The following VDAC2 variants were observed in gnomAD, a reference collection of about 807,000 sequenced individuals.
VDAC2 encodes the protein voltage dependent anion channel 2.
VDAC2 carries 6 observed loss-of-function variants against 36.6 expected under a neutral mutation model. The observed-to-expected ratio is 0.16, with a 90% CI of 0.09 to 0.32. The LOEUF (loss-of-function observed/expected upper bound fraction) is 0.32, where lower values mean the gene tolerates loss of function less well. VDAC2 is among the 10% of genes least tolerant of loss of function. The pLI is 1.00. For missense variants in VDAC2, 247 were observed against 346.0 expected, an observed-to-expected ratio of 0.71 and a Z score of 2.27; for synonymous variants, 109 against 123.8, an observed-to-expected ratio of 0.88 and a Z score of 0.79.
intron 8 of VDAC2, among the ~76,000 whole-genome samples, chr10:75,223,097 C>T (rs1040619064): frequency 2.0e-5 from 3 of 151,730 alleles, no homozygotes; most frequent in African/African-American, 7.3e-5. Context: ...TCTTCTGCCT[C>T]AGCCTCCTGA....
At chr10:75,225,328 A>G (rs1018377210) in intron 8 of VDAC2, among the ~76,000 whole-genome samples, 24 of 152,218 alleles carry the variant, frequency 1.6e-4, no homozygotes, top group Non-Finnish European at 4.4e-5. Context: ...ATTTTAAAGA[A>G]TTTATTTGCA....
chr10:75,211,876 G>C (rs1841434779), intron 2 of VDAC2, among the ~76,000 whole-genome samples: 1 of 152,198 alleles, frequency 6.6e-6, no homozygotes, highest in Non-Finnish European at 1.5e-5. Flanking sequence ...AGTTAAATCA[G>C]CTCATCTCAG....
At position 75,212,410 on chromosome 10, in the gene VDAC2, TTTAGAG is replaced by T. The variant is rs1454953974; in HGVS notation, c.100+116_100+121del. Reference sequence around the variant, plus strand: ...ATTGTAAATATCTTGCTGCTTTAAATTTAGAGTTACTTATTTTTTTGAGACAGGGTC... The same window carrying T: ...ATTGTAAATATCTTGCTGCTTTAAATTTACTTATTTTTTTGAGACAGGGTC... On this transcript the variant is annotated intron_variant, in intron 3 of 9. Transcript: ENST00000332211. 1.5e-5 allele frequency: 15 copies of T among 1,012,970 alleles called. No individual in the cohort carries two copies. The African/African-American group carries it at 2.3e-4, about 15-fold the overall frequency. The allele number at this position is 1,012,970 out of a possible 1,614,324, so 62.7% of individuals were successfully genotyped here.
chr10:75,227,278 C>A (rs1399996102), intron 8 of VDAC2, among the ~76,000 whole-genome samples: 1 of 152,130 alleles, frequency 6.6e-6, no homozygotes, highest in Non-Finnish European at 1.5e-5. Flanking sequence ...CAGTTTATAA[C>A]CAGTCTGTAA....
At chr10:75,214,999 G>A (rs749039525) in intron 4 of VDAC2, among the ~76,000 whole-genome samples, 2 of 151,886 alleles carry the variant, frequency 1.3e-5, no homozygotes, top group South Asian at 4.1e-4. Context: ...CTGCAGCCTC[G>A]ACCTCTTGGG....
At chr10:75,211,395 C>T (rs1207343693) in intron 2 of VDAC2, 10 of 1,432,272 alleles carry the variant, frequency 7.0e-6, no homozygotes, top group East Asian at 2.5e-5. Context: ...GGGAGTTGGT[C>T]TGTGGCCGCA....
intron 5 of VDAC2, 25 bp downstream of exon 5, chr10:75,219,240 T>G (rs1841718964): frequency 6.4e-7 from 1 of 1,554,140 alleles, no homozygotes; most frequent in African/African-American, 1.4e-5. Context: ...ATTTTAGTAT[T>G]AATTTTATTA....
chr10:75,220,713 C>A, intron 6 of VDAC2, 30 bp from the exon 7 acceptor site: 1 of 1,580,708 alleles, frequency 6.3e-7, no homozygotes, highest in Non-Finnish European at 8.6e-7. Flanking sequence ...GTAAATTTTT[C>A]CCAATGACAT....
chr10:75,227,775 C>T (rs916742983), intron 8 of VDAC2, among the ~76,000 whole-genome samples: 5 of 151,274 alleles, frequency 3.3e-5, no homozygotes, highest in East Asian at 3.9e-4. Flanking sequence ...TTAGTAGAGA[C>T]GGGGTTTCAC....
At position 75,212,238 on chromosome 10, in the gene VDAC2, A is replaced by G. The variant is rs1295988266; in HGVS notation, c.40A>G (p.Ile14Val). The change falls in exon 3 of 10, where the codon ATT (isoleucine) becomes GTT (valine). Residue 14 changes from isoleucine (I) to valine (V), a missense_variant. Physicochemically the swap from Ile to Val is conservative, Grantham distance 29. Coordinates refer to ENST00000332211, the MANE Select transcript of VDAC2 (RefSeq NM_001391963.1). The part of the protein sequence containing the change: ...HGQTCARPMC[I>V]PPSYADLGKA... Reference sequence around the variant, plus strand: ...TGTTTTTTTTCTACCAGCAATGTGTATTCCTCCATCATATGCTGACCTTGG... The same window carrying G: ...TGTTTTTTTTCTACCAGCAATGTGTGTTCCTCCATCATATGCTGACCTTGG... The G allele has an allele frequency of 1.9e-6, 3 of 1,613,810 alleles. No homozygotes were observed. The highest frequency in any genetic ancestry group is 2.5e-6 in the Non-Finnish European group (3 of 1,179,918).
In VDAC2 at chr10:75,228,762, T is replaced by C. The variant is rs535184668; in HGVS notation, c.736-882T>C. Among the ~76,000 whole-genome samples, 6 of 152,336 alleles carry C rather than the reference T, an allele frequency of 3.9e-5. No homozygotes were observed. In the Middle Eastern group the frequency reaches 0.01, roughly 259 times the overall value. On this transcript the variant is annotated intron_variant, in intron 8 of 9. Coordinates refer to ENST00000332211, the MANE Select transcript of VDAC2 (RefSeq NM_001391963.1). ...GGTCACATAGTCTGTTTGTTACCTT[T>C]ATATTGTAGCCCTCAGAATGCTGAA...
intron 3 of VDAC2, 66 bp downstream of exon 3, chr10:75,212,364 A>T: frequency 7.4e-7 from 1 of 1,357,934 alleles, no homozygotes; most frequent in South Asian, 1.2e-5. Flanking sequence ...TTGCTTAGCG[A>T]AATCAGATCA....
chr10:75,224,144 C>G (rs981445900), intron 8 of VDAC2, among the ~76,000 whole-genome samples: 1 of 152,154 alleles, frequency 6.6e-6, no homozygotes, highest in Non-Finnish European at 1.5e-5. Flanking sequence ...TTGCAGTTGG[C>G]ATCTGAAGTG....
chr10:75,215,765 A>G (rs1238390254), intron 4 of VDAC2, among the ~76,000 whole-genome samples: 1 of 148,894 alleles, frequency 6.7e-6, no homozygotes, highest in African/African-American at 2.5e-5. Context: ...TCTGTCGCCC[A>G]GGCTGGAGTG....
Position 75,211,151 on chromosome 10 carries a change from G to T in VDAC2, c.-8G>T. On this transcript the variant is annotated 5_prime_UTR_variant, in exon 2 of 10. Transcript: ENST00000332211. ...TCCCGCAGATTCCCCTCTTCCCGCGGCCTCGCCATGGCGACCCACGGACAG... is the reference window on the plus strand; with the variant it reads ...TCCCGCAGATTCCCCTCTTCCCGCGTCCTCGCCATGGCGACCCACGGACAG... 1 of 1,611,730 alleles carries T rather than the reference G, an allele frequency of 6.2e-7. No individual in the cohort carries two copies. The highest frequency in any genetic ancestry group is 8.5e-7 in the Non-Finnish European group (1 of 1,178,982).
At chr10:75,218,477 A>G (rs776966478) in intron 4 of VDAC2, among the ~76,000 whole-genome samples, 2 of 152,166 alleles carry the variant, frequency 1.3e-5, no homozygotes, top group Non-Finnish European at 2.9e-5. Flanking sequence ...AAAGATGTAC[A>G]GTTAGCTGGG....
chr10:75,215,896 A>G (rs1038716382), intron 4 of VDAC2, among the ~76,000 whole-genome samples: 4 of 150,988 alleles, frequency 2.6e-5, no homozygotes, highest in African/African-American at 9.8e-5. Flanking sequence ...TAATTTTTGT[A>G]TTTTTAGTAG....
chr10:75,211,714 C>G (rs921073195), intron 2 of VDAC2: 10 of 1,533,568 alleles, frequency 6.5e-6, no homozygotes, highest in Middle Eastern at 1.7e-4. Flanking sequence ...GAGTGAAACA[C>G]ACATGGCAGT....
Sources: allele counts gnomAD v4.1 joint callset (sites outside exome capture counted in the v4.1 genomes callset), GRCh38; gene constraint gnomAD v4.1.1; transcripts MANE v1.5; gene names NCBI Gene and HGNC (gene_info 2026-07-23, HGNC 2026-07-21).